The following F13A1 variants were observed in gnomAD, a reference collection of about 807,000 sequenced individuals.
The protein encoded by F13A1 is coagulation factor XIII A chain.
In F13A1, 47 loss-of-function variants were observed where a neutral mutation model predicts 80.1. The ratio of observed to expected loss-of-function variants is 0.59; its 90% CI spans 0.46 to 0.75. The LOEUF (loss-of-function observed/expected upper bound fraction) is 0.75, where lower values mean the gene tolerates loss of function less well. Among genes scored for constraint, F13A1 ranks in the 30% least tolerant of loss-of-function variants. The pLI is 0.00. For synonymous variants in F13A1, 349 were observed against 344.9 expected, an observed-to-expected ratio of 1.01 and a Z score of -0.13; for missense variants, 817 against 930.4, an observed-to-expected ratio of 0.88 and a Z score of 1.59.
At chr6:6,225,468 G>GT (rs751999216) in intron 6 of F13A1, among the ~76,000 whole-genome samples, 7 of 152,008 alleles carry the variant, frequency 4.6e-5, no homozygotes, top group South Asian at 2.1e-4. Flanking sequence ...GCTTACAGAG[G>GT]TTTTTTGTTT....
chr6:6,150,017 ACT>A (rs1471053544), intron 14 of F13A1, among the ~76,000 whole-genome samples: 2 of 152,142 alleles, frequency 1.3e-5, no homozygotes, highest in Non-Finnish European at 2.9e-5. Context: ...GTAATAATTC[ACT>A]GTGTAATAAT....
chr6:6,257,711 C>T (rs1013298842), intron 4 of F13A1, among the ~76,000 whole-genome samples: 2 of 152,168 alleles, frequency 1.3e-5, no homozygotes, highest in Non-Finnish European at 2.9e-5. Context: ...ATCATCCGTG[C>T]GTGCATAGTA....
intron 13 of F13A1, among the ~76,000 whole-genome samples, chr6:6,156,205 A>T (rs539104977): frequency 4.6e-5 from 7 of 152,208 alleles, no homozygotes; most frequent in Non-Finnish European, 1.0e-4. Context: ...TTCAAGTTAC[A>T]TATCACTTAC....
intron 12 of F13A1, among the ~76,000 whole-genome samples, chr6:6,169,718 C>T (rs1760739044): frequency 6.6e-6 from 1 of 152,144 alleles, no homozygotes; most frequent in Non-Finnish European, 1.5e-5. Context: ...GCCAAAAATG[C>T]AGTTAAACAT....
chr6:6,176,514 A>G (rs1760885001), intron 11 of F13A1, among the ~76,000 whole-genome samples: 2 of 152,242 alleles, frequency 1.3e-5, no homozygotes, highest in Admixed American at 6.5e-5. Context: ...AAAATGCCAG[A>G]AGGCATTGCA....
At chr6:6,195,240 G>A (rs1486948612) in intron 10 of F13A1, among the ~76,000 whole-genome samples, 1 of 152,188 alleles carries the variant, frequency 6.6e-6, no homozygotes, top group African/African-American at 2.4e-5. Context: ...CCTGTAGGTG[G>A]GCTGTATTCC....
At chr6:6,263,297 C>T (rs1448111990) in intron 4 of F13A1, among the ~76,000 whole-genome samples, 2 of 152,154 alleles carry the variant, frequency 1.3e-5, no homozygotes, top group African/African-American at 2.4e-5. Flanking sequence ...TTAGTGAAAC[C>T]GTCCTTTTCA....
At position 6,145,504 on chromosome 6, in the gene F13A1, G is replaced by C; in HGVS notation, c.*115C>G. 7.4e-7 allele frequency: 1 copy of C among 1,351,252 alleles called. No homozygotes were observed. Among genetic ancestry groups the C allele is most frequent in the South Asian group, 1.2e-5 (1 of 83,972 alleles). The allele number at this position is 1,351,252 out of a possible 1,614,324, so 83.7% of individuals were successfully genotyped here. ...GATCTCCACTCTGGAGCCCTCTGCA[G>C]TCCTGTCTGGGTCTTCACACCTAAG... On this transcript the variant is annotated 3_prime_UTR_variant, in exon 15 of 15. Transcript: ENST00000264870.
chr6:6,230,311 A>G (rs548180454), intron 6 of F13A1, among the ~76,000 whole-genome samples: 1 of 152,032 alleles, frequency 6.6e-6, no homozygotes, highest in African/African-American at 2.4e-5. Context: ...GACTCCTGTG[A>G]CTGCCAGCTT....
chr6:6,263,852 A>G (rs898230193), intron 4 of F13A1, among the ~76,000 whole-genome samples: 7 of 152,112 alleles, frequency 4.6e-5, no homozygotes, highest in African/African-American at 1.7e-4. Flanking sequence ...TTTTGTTCTA[A>G]ATACAAAATA....
At chr6:6,235,922 C>A (rs1320154360) in intron 6 of F13A1, among the ~76,000 whole-genome samples, 40 of 152,008 alleles carry the variant, frequency 2.6e-4, no homozygotes. Context: ...AATACATGGG[C>A]AAATAGTGAT....
rs1357544542 is a variant in F13A1 at position 6,250,427 on chromosome 6, G to T, written c.690+384C>A. Reference sequence around the variant, plus strand: ...GCTAACACTTAAAAAAAAAAAAAAAGAAGCTATTTCTTTGAATTGGGCACA... The same window carrying T: ...GCTAACACTTAAAAAAAAAAAAAAATAAGCTATTTCTTTGAATTGGGCACA... On this transcript the variant is annotated intron_variant, in intron 5 of 14. Coordinates refer to ENST00000264870, the MANE Select transcript of F13A1 (RefSeq NM_000129.4). This position sits in a 1 kb window ranked among gnomAD's most constrained non-coding sequence, Gnocchi z 4.2. Among the ~76,000 whole-genome samples the T allele has an allele frequency of 7.0e-6, 1 of 143,026 alleles. No homozygotes were observed. The highest frequency in any genetic ancestry group is 1.5e-5 in the Non-Finnish European group (1 of 65,226). 93.8% of individuals were successfully genotyped at this position (143,026 alleles called of 152,430 possible). A position where few individuals can be genotyped will look rare whatever the true frequency, so the allele number is the denominator to read the frequency against.
chr6:6,315,627 T>C (rs916249285), intron 2 of F13A1, among the ~76,000 whole-genome samples: 2 of 152,178 alleles, frequency 1.3e-5, no homozygotes, highest in African/African-American at 4.8e-5. Flanking sequence ...TGGGCAGGAC[T>C]CACTGCTACA....
chr6:6,171,971 C>T (rs532078639), intron 12 of F13A1, among the ~76,000 whole-genome samples: 4 of 152,290 alleles, frequency 2.6e-5, no homozygotes, highest in South Asian at 2.1e-4. Flanking sequence ...AGGTACTCCC[C>T]GTTTTCCTTA....
intron 1 of F13A1, among the ~76,000 whole-genome samples, chr6:6,319,258 T>G (rs1196511989): frequency 6.6e-6 from 1 of 152,212 alleles, no homozygotes; most frequent in Non-Finnish European, 1.5e-5. Context: ...TTTGCTCTGA[T>G]AGATTATAGT....
intron 3 of F13A1, among the ~76,000 whole-genome samples, chr6:6,270,376 G>A (rs186312680): frequency 2.0e-5 from 3 of 152,164 alleles, no homozygotes; most frequent in Admixed American, 6.5e-5. Context: ...CCTTAAAGTC[G>A]CCTAAATTCC....
At chr6:6,280,342 A>T (rs1281040651) in intron 3 of F13A1, among the ~76,000 whole-genome samples, 1 of 152,244 alleles carries the variant, frequency 6.6e-6, no homozygotes, top group Non-Finnish European at 1.5e-5. Context: ...AGAATAACAG[A>T]GCAAGAGTAG....
At chr6:6,256,841 C>T (rs1673281840) in intron 4 of F13A1, among the ~76,000 whole-genome samples, 1 of 151,694 alleles carries the variant, frequency 6.6e-6, no homozygotes, top group Admixed American at 6.6e-5. Context: ...ATTTCAAAGT[C>T]AGAGCAAGTT....
rs1226303916 is a variant in F13A1 at position 6,195,830 on chromosome 6, G to A, written c.1272C>T (p.Cys424=). The A allele has an allele frequency of 6.2e-7, 1 of 1,614,218 alleles. No homozygotes were observed. The highest frequency in any genetic ancestry group is 1.1e-5 in the South Asian group (1 of 91,080). The change falls in exon 10 of 15, where the codon TGC becomes TGT. Residue 424 remains cysteine (C), a synonymous_variant. Coordinates refer to ENST00000264870, the MANE Select transcript of F13A1 (RefSeq NM_000129.4). ...AAACAAAAGGTGCATCAAATTGGAA[G>A]CAGACATGGCCGTGCTTGATGGCTT... is the stretch of plus-strand genomic sequence containing the variant. ...SVQAIKHGHV[C]FQFDAPFVFA...
Sources: gnomAD v4.1 joint callset for allele counts (sites outside exome capture counted in the v4.1 genomes callset) on GRCh38, gnomAD v4.1.1 for gene constraint, Gnocchi (gnomAD v3.1) non-coding constraint, MANE v1.5 for transcripts, NCBI Gene and HGNC (gene_info 2026-07-23, HGNC 2026-07-21) for gene names.